Variants in NRXN3 observed in about 807,000 individuals in gnomAD.
The protein encoded by NRXN3 is neurexin 3.
NRXN3 carries 32 observed loss-of-function variants against 137.6 expected under a neutral mutation model. The observed-to-expected ratio is 0.23, with a 90% CI of 0.18 to 0.31. NRXN3 has a LOEUF of 0.31. Ranked by LOEUF, NRXN3 falls within the 10% of genes least tolerant of loss-of-function variation. NRXN3 has a pLI of 1.00. For missense variants in NRXN3, 1,574 were observed against 2,062.5 expected, an observed-to-expected ratio of 0.76 and a Z score of 4.59; for synonymous variants, 798 against 784.5, an observed-to-expected ratio of 1.02 and a Z score of -0.29.
At chr14:79,580,631 A>G (rs1406508467) in intron 16 of NRXN3, among the ~76,000 whole-genome samples, 1 of 152,164 alleles carries the variant, frequency 6.6e-6, no homozygotes, top group East Asian at 1.9e-4. Context: ...AGCTATAAAT[A>G]GCATGGTCCA....
At chr14:78,934,410 C>T (rs1003711597) in intron 10 of NRXN3, among the ~76,000 whole-genome samples, 3 of 152,096 alleles carry the variant, frequency 2.0e-5, no homozygotes, top group Non-Finnish European at 4.4e-5. Flanking sequence ...ATGAAGAGAA[C>T]CCAGGGGGTG....
At chr14:78,479,010 G>A (rs1178069726) in intron 4 of NRXN3, among the ~76,000 whole-genome samples, 1 of 152,160 alleles carries the variant, frequency 6.6e-6, no homozygotes, top group African/African-American at 2.4e-5. Flanking sequence ...CACAGTTAGA[G>A]AACTAGGATA....
chr14:79,501,096 A>G (rs1451563409), intron 16 of NRXN3, among the ~76,000 whole-genome samples: 2 of 152,200 alleles, frequency 1.3e-5, no homozygotes, highest in African/African-American at 2.4e-5. Context: ...AGGGATCTGT[A>G]TAGTTCATAA....
At position 78,472,513 on chromosome 14, in the gene NRXN3, C is replaced by A. The variant is rs544111183; in HGVS notation, c.758-172607C>A. Among the ~76,000 whole-genome samples the A allele has an allele frequency of 7.2e-5, 11 of 152,298 alleles. No individual in the cohort carries two copies. In the East Asian group the frequency reaches 1.9e-3, roughly 27 times the overall value. ...TCTGGCAGGAGCAGTGTCATTAAAA[C>A]ATTGAAGAGAACCCAAAGAATATAT... On this transcript the variant is annotated intron_variant, in intron 4 of 20. Coordinates refer to ENST00000335750, the MANE Select transcript of NRXN3 (RefSeq NM_001330195.2).
chr14:79,864,495 A>AT lies in NRXN3; in HGVS notation c.*2533dup, dbSNP rs1380647452. 2 of 152,628 alleles carry AT rather than the reference A, an allele frequency of 1.3e-5. No individual in the cohort carries two copies. Among genetic ancestry groups the AT allele is most frequent in the Non-Finnish European group, 2.9e-5 (2 of 68,042 alleles). The allele number at this position is 152,628 out of a possible 1,614,324, so 9.5% of individuals were successfully genotyped here. ...ACTGAAGCTAATTATGTCATATCTT[A>AT]TTAAAAGCCGAGTAAGAGCTAGACC... On this transcript the variant is annotated 3_prime_UTR_variant, in exon 21 of 21. Transcript: ENST00000335750.
At chr14:78,589,260 C>A (rs1053839912) in intron 4 of NRXN3, among the ~76,000 whole-genome samples, 1 of 152,178 alleles carries the variant, frequency 6.6e-6, no homozygotes, top group African/African-American at 2.4e-5. Context: ...CACTGAGATC[C>A]AGGACATAAT....
At position 78,971,441 on chromosome 14, in the gene NRXN3, T is replaced by TATATATAC. The variant is rs71131669; in HGVS notation, c.3142+3096_3142+3097insTATATACA. The stretch of plus-strand genomic sequence containing the variant: ...ACAGATAAACATATATATATATATA[T>TATATATAC]ACACACACACACACAGATAGATAAG... On this transcript the variant is annotated intron_variant, in intron 14 of 20. Transcript: ENST00000335750. Among the ~76,000 whole-genome samples the TATATATAC allele has an allele frequency of 2.6e-3, 377 of 142,606 alleles. 2 individuals are homozygous for TATATATAC. The highest frequency in any genetic ancestry group is 3.2e-3 in the Non-Finnish European group (210 of 65,080). The allele number at this position is 142,606 out of a possible 152,430, so 93.6% of individuals were successfully genotyped here.
intron 8 of NRXN3, among the ~76,000 whole-genome samples, chr14:78,740,277 A>T (rs1284245161): frequency 2.0e-5 from 3 of 151,990 alleles, no homozygotes; most frequent in Non-Finnish European, 4.4e-5. Flanking sequence ...AACTGACTCC[A>T]TTTGCCTGAA....
At chr14:78,954,577 G>A (rs1294196771) in intron 10 of NRXN3, among the ~76,000 whole-genome samples, 1 of 151,934 alleles carries the variant, frequency 6.6e-6, no homozygotes, top group African/African-American at 2.4e-5. Context: ...CCATTCTCCT[G>A]CCTCAGTCTC....
At position 79,651,284 on chromosome 14, in the gene NRXN3, C is replaced by T. The variant is rs78005237; in HGVS notation, c.3445-12494C>T. ...TGAAACAAGTGAACAGCTATGGTCA[C>T]CTGAGAGGTAGTGGTACTCTACATT... On this transcript the variant is annotated intron_variant, in intron 16 of 20. Transcript: ENST00000335750. Among the ~76,000 whole-genome samples the T allele has an allele frequency of 4.9e-3, 752 of 152,250 alleles. 7 individuals are homozygous for T. The highest frequency in any genetic ancestry group is 0.018 in the African/African-American group (729 of 41,550).
intron 15 of NRXN3, among the ~76,000 whole-genome samples, chr14:79,126,518 G>T (rs1455696622): frequency 1.3e-5 from 2 of 152,046 alleles, no homozygotes; most frequent in African/African-American, 4.8e-5. Flanking sequence ...CATTTTTTAT[G>T]GCTGCATAGT....
Position 79,533,675 on chromosome 14 carries a change from G to A in NRXN3, c.3444+66273G>A, listed in dbSNP as rs368836302. 9.2e-5 allele frequency among the ~76,000 whole-genome samples: 14 copies of A among 152,214 alleles called. No homozygotes were observed. In the East Asian group the frequency reaches 1.5e-3, roughly 17 times the overall value. On this transcript the variant is annotated intron_variant, in intron 16 of 20. Transcript: ENST00000335750. ...TTCAAAAAATTTTGGCATATTGATT[G>A]TCTGGGGTAAGGTTCAAAATTGCAT... is the stretch of plus-strand genomic sequence containing the variant.
chr14:78,298,945 A>G (rs1185178559), intron 4 of NRXN3, among the ~76,000 whole-genome samples: 16 of 152,216 alleles, frequency 1.1e-4, no homozygotes, highest in Admixed American at 1.0e-3. Flanking sequence ...CGGCAGTATC[A>G]TCAAATCAAG....
At chr14:78,316,183 G>A (rs1055174306) in intron 4 of NRXN3, among the ~76,000 whole-genome samples, 6 of 152,092 alleles carry the variant, frequency 3.9e-5, no homozygotes, top group East Asian at 1.9e-4. Context: ...TATCTCACAG[G>A]TGGAGGGATT....
At chr14:79,182,572 G>A (rs921359938) in intron 15 of NRXN3, among the ~76,000 whole-genome samples, 13 of 152,156 alleles carry the variant, frequency 8.5e-5, no homozygotes, top group South Asian at 2.1e-4. Flanking sequence ...GCAGTAATGC[G>A]AGGAGTGGGG....
intron 10 of NRXN3, among the ~76,000 whole-genome samples, chr14:78,892,262 C>T (rs1262581948): frequency 6.6e-6 from 1 of 151,934 alleles, no homozygotes; most frequent in African/African-American, 2.4e-5. Context: ...CACGTGGAGA[C>T]ATCTGAGAAG....
chr14:79,264,159 G>A (rs2078068234), intron 15 of NRXN3, among the ~76,000 whole-genome samples: 1 of 152,042 alleles, frequency 6.6e-6, no homozygotes, highest in Non-Finnish European at 1.5e-5. Flanking sequence ...GACTCACATG[G>A]CTCACTGCAA....
intron 2 of NRXN3, among the ~76,000 whole-genome samples, chr14:78,259,990 C>T (rs2070416540): frequency 6.6e-6 from 1 of 152,090 alleles, no homozygotes. Flanking sequence ...AGAAATGGAG[C>T]CTATGTGGAC....
chr14:78,738,207 T>C (rs1388553913), intron 8 of NRXN3, among the ~76,000 whole-genome samples: 6 of 152,186 alleles, frequency 3.9e-5, no homozygotes, highest in Non-Finnish European at 8.8e-5. Flanking sequence ...TTACTGAGCA[T>C]CGACTATGTG....
Sources: gnomAD v4.1 joint callset for allele counts (sites outside exome capture counted in the v4.1 genomes callset) on GRCh38, gnomAD v4.1.1 for gene constraint, MANE v1.5 for transcripts, NCBI Gene and HGNC (gene_info 2026-07-23, HGNC 2026-07-21) for gene names.